Variants in ADAMTSL1 observed in about 807,000 individuals in gnomAD.
ADAMTSL1 encodes ADAMTS like 1.
A neutral mutation model predicts 201.8 loss-of-function variants in ADAMTSL1; 126 were observed. The ratio of observed to expected loss-of-function variants is 0.62; its 90% CI spans 0.54 to 0.72. The LOEUF is 0.72. ADAMTSL1 is among the 30% of genes least tolerant of loss of function. ADAMTSL1 has a pLI of 0.00. For synonymous variants in ADAMTSL1, 1,121 were observed against 903.4 expected, an observed-to-expected ratio of 1.24 and a Z score of -4.32; for missense variants, 2,679 against 2,277.8, an observed-to-expected ratio of 1.18 and a Z score of -3.59.
At chr9:18,491,251 A>C (rs377009869) in intron 1 of ADAMTSL1, among the ~76,000 whole-genome samples, 7 of 152,310 alleles carry the variant, frequency 4.6e-5, no homozygotes, top group African/African-American at 1.7e-4. Flanking sequence ...AGCATTCTTG[A>C]TATTTTCTGT....
At chr9:18,553,396 C>A (rs560123728) in intron 3 of ADAMTSL1, among the ~76,000 whole-genome samples, 1 of 151,626 alleles carries the variant, frequency 6.6e-6, no homozygotes, top group Non-Finnish European at 1.5e-5. Context: ...GATTAACCCC[C>A]TCAGATTTAT....
chr9:18,387,041 T>C (rs879845615), intron 2 of ADAMTSL1, among the ~76,000 whole-genome samples: 5 of 152,106 alleles, frequency 3.3e-5, no homozygotes, highest in African/African-American at 7.2e-5. Context: ...GTAAGGGATG[T>C]TCACGAAATA....
At chr9:18,430,130 T>C (rs1819419310) in intron 2 of ADAMTSL1, among the ~76,000 whole-genome samples, 2 of 152,140 alleles carry the variant, frequency 1.3e-5, no homozygotes, top group South Asian at 4.1e-4. Context: ...TAAAATTTTA[T>C]ATACACAAAA....
intron 2 of ADAMTSL1, among the ~76,000 whole-genome samples, chr9:18,301,422 G>T (rs1275844238): frequency 6.6e-6 from 1 of 152,122 alleles, no homozygotes; most frequent in Non-Finnish European, 1.5e-5. Context: ...GACCCCCAGT[G>T]GATGCCTGAA....
At position 18,015,864 on chromosome 9, in the gene ADAMTSL1, T is replaced by C. The variant is rs546991895; in HGVS notation, c.87+108942T>C. ...GTCTTTCTAAGAGCTCCTCAAGAGA[T>C]TGTAATGTGCAGTCAAGACTGATAA... On this transcript the variant is annotated intron_variant, in intron 1 of 29. Transcript: ENST00000680146. Among the ~76,000 whole-genome samples, 5 of 152,072 alleles carry C rather than the reference T, an allele frequency of 3.3e-5. 1 individual carries two copies. The East Asian group carries it at 9.7e-4, about 30-fold the overall frequency.
intron 2 of ADAMTSL1, among the ~76,000 whole-genome samples, chr9:18,167,538 T>C (rs879460920): frequency 6.6e-6 from 1 of 151,920 alleles, no homozygotes; most frequent in Non-Finnish European, 1.5e-5. Flanking sequence ...AATAAAAAAA[T>C]GCAATTTACT....
intron 2 of ADAMTSL1, among the ~76,000 whole-genome samples, chr9:18,195,084 G>A (rs1223061689): frequency 1.3e-5 from 2 of 152,052 alleles, no homozygotes. Flanking sequence ...CCTTAATATG[G>A]TACCTGTCAT....
At chr9:18,519,290 A>G (rs1818542848) in intron 2 of ADAMTSL1, among the ~76,000 whole-genome samples, 1 of 152,208 alleles carries the variant, frequency 6.6e-6, no homozygotes, top group Non-Finnish European at 1.5e-5. Flanking sequence ...GTAGGTATCT[A>G]GTCACTGTTA....
chr9:18,261,968 C>CA (rs1189911469), intron 2 of ADAMTSL1, among the ~76,000 whole-genome samples: 1 of 152,066 alleles, frequency 6.6e-6, no homozygotes, highest in Non-Finnish European at 1.5e-5. Flanking sequence ...TCATCCTCTG[C>CA]AAAAATATGT....
intron 19 of ADAMTSL1, among the ~76,000 whole-genome samples, chr9:18,783,870 T>G (rs1183304421): frequency 2.0e-5 from 3 of 152,244 alleles, no homozygotes; most frequent in Non-Finnish European, 4.4e-5. Flanking sequence ...AGAAGTTTAC[T>G]GCCTCCTGCT....
intron 1 of ADAMTSL1, among the ~76,000 whole-genome samples, chr9:18,085,528 C>CAT (rs917969817): frequency 4.5e-5 from 4 of 88,196 alleles, no homozygotes; most frequent in African/African-American, 1.0e-4. Context: ...ATACTGTATG[C>CAT]ATATATATAT....
intron 4 of ADAMTSL1, among the ~76,000 whole-genome samples, chr9:18,590,016 C>G (rs1029034669): frequency 6.6e-5 from 10 of 151,976 alleles, no homozygotes; most frequent in Admixed American, 6.6e-4. Context: ...GGAGCTTGGC[C>G]TGTAGTTTTC....
chr9:18,429,502 C>T (rs1008568432), intron 2 of ADAMTSL1, among the ~76,000 whole-genome samples: 2 of 152,114 alleles, frequency 1.3e-5, no homozygotes, highest in African/African-American at 4.8e-5. Context: ...TAAACCAAAA[C>T]TTTGACTCTA....
intron 15 of ADAMTSL1, among the ~76,000 whole-genome samples, chr9:18,742,994 T>C (rs1818931622): frequency 6.6e-6 from 1 of 152,138 alleles, no homozygotes; most frequent in African/African-American, 2.4e-5. Context: ...CCACCTAACA[T>C]ATCAAACTCC....
intron 8 of ADAMTSL1, 144 bp downstream of exon 8, chr9:18,657,894 G>C (rs780808476): frequency 1.5e-6 from 1 of 657,650 alleles, no homozygotes; most frequent in African/African-American, 1.8e-5. Context: ...GGAATCTCGA[G>C]GCCCTCCTGT....
intron 2 of ADAMTSL1, among the ~76,000 whole-genome samples, chr9:18,178,318 C>T (rs528537907): frequency 3.4e-4 from 52 of 152,200 alleles, no homozygotes; most frequent in Admixed American, 2.2e-3. Context: ...GCTTTTCCGA[C>T]GGGCTTAAAA....
chr9:18,901,760 A>C (rs1830031586), intron 26 of ADAMTSL1, among the ~76,000 whole-genome samples: 1 of 152,184 alleles, frequency 6.6e-6, no homozygotes, highest in Non-Finnish European at 1.5e-5. Context: ...GGAAAGCTAT[A>C]AGATGTACAT....
chr9:18,387,358 G>T (rs1409804838), intron 2 of ADAMTSL1, among the ~76,000 whole-genome samples: 1 of 151,562 alleles, frequency 6.6e-6, no homozygotes, highest in Non-Finnish European at 1.5e-5. Context: ...CTCCTATACA[G>T]CCTTGCTATA....
chr9:18,885,950 A>C (rs1828824508), intron 23 of ADAMTSL1, among the ~76,000 whole-genome samples: 1 of 151,656 alleles, frequency 6.6e-6, no homozygotes, highest in Non-Finnish European at 1.5e-5. Flanking sequence ...AGGGATTCCC[A>C]ATCTTGTGTA....
Sources: gnomAD v4.1 joint callset for allele counts (sites outside exome capture counted in the v4.1 genomes callset) on GRCh38, gnomAD v4.1.1 for gene constraint, MANE v1.5 for transcripts, NCBI Gene and HGNC (gene_info 2026-07-23, HGNC 2026-07-21) for gene names.